The following LINGO2 variants were observed in gnomAD, a reference collection of about 807,000 sequenced individuals.
LINGO2 encodes the protein leucine rich repeat and Ig domain containing 2.
A neutral mutation model predicts 30.6 loss-of-function variants in LINGO2; 14 were observed. That is an observed-to-expected ratio of 0.46 (90% CI 0.30 to 0.72). The LOEUF is 0.72. LINGO2 is among the 30% of genes least tolerant of loss of function. The pLI, the probability that LINGO2 is intolerant of heterozygous loss-of-function variation, is 0.07. For synonymous variants in LINGO2, 317 were observed against 288.5 expected (o/e 1.10, Z -1.00); for missense variants, 729 against 751.7 (o/e 0.97, Z 0.35).
At chr9:28,025,121 A>G (rs1473685481) in intron 4 of LINGO2, among the ~76,000 whole-genome samples, 1 of 152,156 alleles carries the variant, frequency 6.6e-6, no homozygotes, top group Non-Finnish European at 1.5e-5. Flanking sequence ...ATCTTGACAG[A>G]TGATGCTGAG....
At chr9:28,909,638 G>T in the LINGO2 span, among the ~76,000 whole-genome samples, 1 of 151,954 alleles carries the variant, frequency 6.6e-6, no homozygotes, top group Non-Finnish European at 1.5e-5. Context: ...CAAACATATT[G>T]CATCTGCTGA....
At chr9:28,926,533 A>C in the LINGO2 span, among the ~76,000 whole-genome samples, 3 of 152,198 alleles carry the variant, frequency 2.0e-5, no homozygotes, top group Non-Finnish European at 2.9e-5. Flanking sequence ...CCTGGTTTGC[A>C]AAACAGAAAG....
the LINGO2 span, among the ~76,000 whole-genome samples, chr9:28,965,153 G>C: frequency 6.6e-6 from 1 of 151,660 alleles, no homozygotes; most frequent in Non-Finnish European, 1.5e-5. Flanking sequence ...GTAGAGTTCG[G>C]GATTTATTTA....
chr9:29,058,683 C>A, the LINGO2 span, among the ~76,000 whole-genome samples: 6 of 150,772 alleles, frequency 4.0e-5, no homozygotes, highest in Non-Finnish European at 7.4e-5. Flanking sequence ...AAAATAAAGA[C>A]AAAACTAAAA....
intron 1 of LINGO2, chr9:28,599,421 G>T (rs935309988): frequency 1.3e-5 from 2 of 152,048 alleles, no homozygotes; most frequent in African/African-American, 4.8e-5. Context: ...TTAAGTAAAT[G>T]CTGTTTTAAA....
chr9:28,811,152 A>G, the LINGO2 span, among the ~76,000 whole-genome samples: 1 of 152,140 alleles, frequency 6.6e-6, no homozygotes, highest in Non-Finnish European at 1.5e-5. Flanking sequence ...TAATCTCATT[A>G]TCTCAATCCA....
At chr9:28,586,464 A>G (rs1222675603) in intron 1 of LINGO2, among the ~76,000 whole-genome samples, 2 of 152,060 alleles carry the variant, frequency 1.3e-5, no homozygotes, top group Non-Finnish European at 2.9e-5. Flanking sequence ...TTTTCATGCA[A>G]CCATCCTTTT....
chr9:28,765,133 T>G, the LINGO2 span, among the ~76,000 whole-genome samples: 1 of 151,872 alleles, frequency 6.6e-6, no homozygotes, highest in Middle Eastern at 3.4e-3. Context: ...ATACAGAAAT[T>G]ATAAAAACAA....
intron 4 of LINGO2, among the ~76,000 whole-genome samples, chr9:28,047,364 A>ATCTATATCTATATCT (rs1554665728): frequency 2.6e-5 from 4 of 151,480 alleles, no homozygotes; most frequent in African/African-American, 4.9e-5. Flanking sequence ...TACTGTATGA[A>ATCTATATCTATATCT]AGATCTACTA....
the LINGO2 span, among the ~76,000 whole-genome samples, chr9:29,050,645 AGT>A: frequency 6.6e-6 from 1 of 152,210 alleles, no homozygotes. Flanking sequence ...AGGTAGAAGG[AGT>A]GTCACTTTTC....
chr9:29,078,688 A>G, the LINGO2 span, among the ~76,000 whole-genome samples: 20 of 152,092 alleles, frequency 1.3e-4, no homozygotes, highest in Middle Eastern at 3.4e-3. Flanking sequence ...TCAAATCAAA[A>G]TTATAATTTA....
the LINGO2 span, among the ~76,000 whole-genome samples, chr9:29,203,055 C>A: frequency 1.3e-5 from 2 of 152,188 alleles, no homozygotes; most frequent in East Asian, 3.9e-4. Flanking sequence ...TGAGAAGAAT[C>A]TTGAATTCAG....
Position 28,068,197 on chromosome 9 carries a change from A to G in LINGO2, c.-86-55792T>C, listed in dbSNP as rs75025665. Among the ~76,000 whole-genome samples, 431 of 152,288 alleles carry G rather than the reference A, an allele frequency of 2.8e-3. 1 individual carries two copies. Among genetic ancestry groups the G allele is most frequent in the Non-Finnish European group, 4.0e-3 (275 of 68,010 alleles). ...TTAGTCAGCTCGGCCTGCCATAACA[A>G]AATACCATAACTGGCTTAAACAACA... On this transcript the variant is annotated intron_variant, in intron 4 of 5. Transcript: ENST00000379992.
At chr9:28,489,634 T>G (rs1021597068) in intron 1 of LINGO2, among the ~76,000 whole-genome samples, 3 of 151,980 alleles carry the variant, frequency 2.0e-5, no homozygotes, top group Non-Finnish European at 2.9e-5. Context: ...GCGTGGTGGC[T>G]CACACCTTAA....
chr9:28,274,720 T>G (rs573884396), intron 4 of LINGO2, among the ~76,000 whole-genome samples: 15 of 152,246 alleles, frequency 9.9e-5, no homozygotes, highest in Non-Finnish European at 1.6e-4. Flanking sequence ...AATAGCTTGC[T>G]TTTTCCTAAA....
intron 3 of LINGO2, among the ~76,000 whole-genome samples, chr9:28,349,880 T>G (rs1246002830): frequency 6.6e-6 from 1 of 152,094 alleles, no homozygotes; most frequent in Admixed American, 6.6e-5. Flanking sequence ...CAACCCAGAA[T>G]TTCATATCCA....
At chr9:28,881,282 C>A in the LINGO2 span, among the ~76,000 whole-genome samples, 22 of 152,054 alleles carry the variant, frequency 1.4e-4, no homozygotes, top group Non-Finnish European at 2.4e-4. Flanking sequence ...TCACACCACG[C>A]CTGGCTAATT....
intron 4 of LINGO2, among the ~76,000 whole-genome samples, chr9:28,124,948 G>A (rs562773921): frequency 6.6e-6 from 1 of 152,306 alleles, no homozygotes; most frequent in African/African-American, 2.4e-5. Flanking sequence ...AGAAGGCTGT[G>A]TATTATTCAC....
intron 4 of LINGO2, among the ~76,000 whole-genome samples, chr9:28,058,525 A>G (rs982348422): frequency 1.3e-5 from 2 of 152,198 alleles, no homozygotes; most frequent in Non-Finnish European, 2.9e-5. Flanking sequence ...CTTACACTAA[A>G]TAAATGTTAT....
Sources: allele counts gnomAD v4.1 joint callset (sites outside exome capture counted in the v4.1 genomes callset), GRCh38; gene constraint gnomAD v4.1.1; transcripts MANE v1.5; gene names NCBI Gene and HGNC (gene_info 2026-07-23, HGNC 2026-07-21).